Variants in PTPN2 observed in about 807,000 individuals in gnomAD.
PTPN2 encodes protein tyrosine phosphatase non-receptor type 2, also known as tyrosine-protein phosphatase non-receptor type 2.
PTPN2 carries 19 observed loss-of-function variants against 57.3 expected under a neutral mutation model. That is an observed-to-expected ratio of 0.33 (90% CI 0.23 to 0.49). PTPN2 has a LOEUF of 0.49. PTPN2 is among the 20% of genes least tolerant of loss of function. The pLI is 0.99. For synonymous variants in PTPN2, 153 were observed against 164.9 expected (o/e 0.93, Z 0.55); for missense variants, 358 against 501.1 (o/e 0.71, Z 2.73).
intron 5 of PTPN2, among the ~76,000 whole-genome samples, chr18:12,821,858 G>A (rs565338701): frequency 3.3e-5 from 5 of 152,276 alleles, no homozygotes; most frequent in African/African-American, 9.6e-5. Flanking sequence ...AATTCTTAGA[G>A]GATGGTGGAA....
At chr18:12,850,402 T>A (rs1293203414) in intron 2 of PTPN2, among the ~76,000 whole-genome samples, 1 of 151,552 alleles carries the variant, frequency 6.6e-6, no homozygotes, top group Admixed American at 6.6e-5. Flanking sequence ...GGCAGGAGAA[T>A]TGCTTGAACT....
chr18:12,825,721 T>C, intron 5 of PTPN2, 89 bp downstream of exon 5: 3 of 1,295,340 alleles, frequency 2.3e-6, no homozygotes, highest in Non-Finnish European at 3.2e-6. Context: ...TCCAAATGCA[T>C]GTGCTTATCA....
chr18:12,805,688 G>A (rs1197103654), intron 7 of PTPN2, among the ~76,000 whole-genome samples: 1 of 148,320 alleles, frequency 6.7e-6, no homozygotes, highest in Non-Finnish European at 1.5e-5. Context: ...CACCAGGCTG[G>A]AGTGCAGTGG....
chr18:12,787,557 T>G (rs189151754), downstream of PTPN2: 55 of 152,346 alleles, frequency 3.6e-4, no homozygotes, highest in African/African-American at 1.3e-3. Flanking sequence ...GAATGAACTA[T>G]CATTTATAAC....
intron 3 of PTPN2, among the ~76,000 whole-genome samples, chr18:12,832,125 AT>A (rs374579614): frequency 6.6e-6 from 1 of 152,062 alleles, no homozygotes; most frequent in East Asian, 1.9e-4. Context: ...GACTAAAAGC[AT>A]TTTTTATTTT....
chr18:12,876,281 C>G (rs74668956), intron 1 of PTPN2, among the ~76,000 whole-genome samples: 20,101 of 101,872 alleles, frequency 0.2, 2,706 homozygotes, highest in African/African-American at 0.44. Context: ...GCCTGGCCAA[C>G]AAGAACAACA....
At chr18:12,855,095 T>C (rs1275398959) in intron 2 of PTPN2, among the ~76,000 whole-genome samples, 2 of 152,062 alleles carry the variant, frequency 1.3e-5, no homozygotes, top group Non-Finnish European at 2.9e-5. Context: ...AGGAAACCAG[T>C]GGAAAGTCTC....
intron 1 of PTPN2, among the ~76,000 whole-genome samples, chr18:12,882,530 C>G (rs1448537718): frequency 6.6e-6 from 1 of 151,998 alleles, no homozygotes; most frequent in Non-Finnish European, 1.5e-5. Context: ...AAATCTATTT[C>G]GATATATAAC....
intron 2 of PTPN2, among the ~76,000 whole-genome samples, chr18:12,842,122 T>A (rs1248594390): frequency 6.6e-6 from 1 of 152,150 alleles, no homozygotes; most frequent in Non-Finnish European, 1.5e-5. Context: ...GTCAGGCTGG[T>A]CTTGAACTCT....
chr18:12,884,014 A>G (rs2044769245), intron 1 of PTPN2, 59 bp downstream of exon 1: 4 of 1,427,664 alleles, frequency 2.8e-6, no homozygotes, highest in African/African-American at 2.9e-5. Flanking sequence ...CCCTGCGGAC[A>G]GGGCACGAGT....
rs2041031723 is a variant in PTPN2 at position 12,793,080 on chromosome 18, T to C, written c.*1198A>G. On this transcript the variant is annotated 3_prime_UTR_variant, in exon 9 of 9. Coordinates refer to ENST00000309660, the MANE Select transcript of PTPN2 (RefSeq NM_002828.4). ...ATGCTATCCATAATAATGTATGCTA[T>C]CCATGCCTCCTAGCAATTAAATTTG... 1 of 985,112 alleles carries C rather than the reference T, an allele frequency of 1.0e-6. No homozygotes were observed. Among genetic ancestry groups the C allele is most frequent in the South Asian group, 4.7e-5 (1 of 21,296 alleles). 61.0% of individuals were successfully genotyped at this position (985,112 alleles called of 1,614,324 possible).
chr18:12,802,188 A>T (rs369804136), intron 7 of PTPN2, 37 bp from the exon 8 acceptor site: 6 of 1,453,456 alleles, frequency 4.1e-6, no homozygotes, highest in Middle Eastern at 2.0e-4. Flanking sequence ...AAATGCAAAC[A>T]TTAAAAATTT....
intron 2 of PTPN2, among the ~76,000 whole-genome samples, chr18:12,856,419 G>A (rs2043591364): frequency 1.3e-5 from 2 of 152,094 alleles, no homozygotes; most frequent in Non-Finnish European, 2.9e-5. Flanking sequence ...GAGGGAGGGG[G>A]CAAAGAAGAA....
At position 12,792,985 on chromosome 18, in the gene PTPN2, T is replaced by C. The variant is rs1475791779; in HGVS notation, c.*1293A>G. On this transcript the variant is annotated 3_prime_UTR_variant, in exon 9 of 9. Coordinates refer to ENST00000309660, the MANE Select transcript of PTPN2 (RefSeq NM_002828.4). Reference sequence around the variant, plus strand: ...ATAAAGAGACAAGGCAGAGATGCTGTGGTTGAAAGTAACCTCTTGACCCAC... The same window carrying C: ...ATAAAGAGACAAGGCAGAGATGCTGCGGTTGAAAGTAACCTCTTGACCCAC... 2 of 984,254 alleles carry C rather than the reference T, an allele frequency of 2.0e-6. No homozygotes were observed. The highest frequency in any genetic ancestry group is 2.4e-6 in the Non-Finnish European group (2 of 828,952). The allele number at this position is 984,254 out of a possible 1,614,324, so 61.0% of individuals were successfully genotyped here.
At chr18:12,807,846 G>A (rs1476224690) in intron 7 of PTPN2, among the ~76,000 whole-genome samples, 1 of 151,836 alleles carries the variant, frequency 6.6e-6, no homozygotes, top group Non-Finnish European at 1.5e-5. Context: ...ACAGGGGGAT[G>A]AGTTCTGGTG....
At chr18:12,858,524 C>T (rs2043675461) in intron 2 of PTPN2, among the ~76,000 whole-genome samples, 1 of 148,380 alleles carries the variant, frequency 6.7e-6, no homozygotes, top group Non-Finnish European at 1.5e-5. Flanking sequence ...AGTGGTATAT[C>T]CAAAGCCACT....
chr18:12,826,670 G>A (rs980119594), intron 4 of PTPN2, among the ~76,000 whole-genome samples: 4 of 151,992 alleles, frequency 2.6e-5, no homozygotes, highest in Non-Finnish European at 5.9e-5. Flanking sequence ...CTGGGTTCAA[G>A]CAATTCTCCT....
Position 12,830,910 on chromosome 18 carries a change from T to C in PTPN2, c.360+33A>G. ...TTTATATGCTAATGATCACATACAG[T>C]ATACTAAGTTGTAAATATTAAATAT... On this transcript the variant is annotated intron_variant, in intron 4 of 8. Transcript: ENST00000309660. The C allele has an allele frequency of 2.1e-6, 3 of 1,448,418 alleles. No homozygotes were observed. In the South Asian group the frequency reaches 3.5e-5, roughly 17 times the overall value. The allele number at this position is 1,448,418 out of a possible 1,614,324, so 89.7% of individuals were successfully genotyped here. A position where few individuals can be genotyped will look rare whatever the true frequency, so the allele number is the denominator to read the frequency against.
chr18:12,825,682 G>A (rs989947022), intron 5 of PTPN2, 128 bp downstream of exon 5: 9 of 786,780 alleles, frequency 1.1e-5, no homozygotes, highest in South Asian at 3.6e-5. Context: ...CTAAAAACAC[G>A]TGATTATGGC....
Sources: gnomAD v4.1 joint callset for allele counts (sites outside exome capture counted in the v4.1 genomes callset) on GRCh38, gnomAD v4.1.1 for gene constraint, MANE v1.5 for transcripts, NCBI Gene and HGNC (gene_info 2026-07-23, HGNC 2026-07-21) for gene names.